The following VSTM4 variants were observed in gnomAD, a reference collection of about 807,000 sequenced individuals.
The protein encoded by VSTM4 is V-set and transmembrane domain-containing protein 4.
Under a neutral mutation model 36.4 loss-of-function variants are expected in VSTM4, and 20 were observed. That is an observed-to-expected ratio of 0.55 (90% CI 0.39 to 0.80). The LOEUF (loss-of-function observed/expected upper bound fraction) is 0.80, where lower values mean the gene tolerates loss of function less well. VSTM4 is among the 30% of genes least tolerant of loss of function. The pLI, the probability that VSTM4 is intolerant of heterozygous loss-of-function variation, is 0.00. For synonymous variants in VSTM4, 182 were observed against 173.9 expected (o/e 1.05, Z -0.37); for missense variants, 392 against 404.5 (o/e 0.97, Z 0.26).
intron 2 of VSTM4, among the ~76,000 whole-genome samples, chr10:49,088,577 G>T (rs4445564): frequency 0.37 from 57,061 of 152,178 alleles, 12,064 homozygotes; most frequent in African/African-American, 0.58. Flanking sequence ...GAAAACAAGT[G>T]AGCAGAATGG....
At chr10:49,090,721 T>G (rs562058036) in intron 2 of VSTM4, among the ~76,000 whole-genome samples, 2 of 152,170 alleles carry the variant, frequency 1.3e-5, no homozygotes, top group Non-Finnish European at 2.9e-5. Context: ...TAAAGAACTT[T>G]TTCCAAGTAG....
At chr10:49,101,973 G>A (rs551818663) in intron 2 of VSTM4, among the ~76,000 whole-genome samples, 11 of 72,630 alleles carry the variant, frequency 1.5e-4, no homozygotes, top group African/African-American at 1.0e-3. Context: ...GTGTGTCTGC[G>A]TGTGTGTGTG....
chr10:49,096,073 C>T (rs1351902221), intron 2 of VSTM4, among the ~76,000 whole-genome samples: 2 of 152,186 alleles, frequency 1.3e-5, no homozygotes, highest in Admixed American at 6.5e-5. Context: ...GACCTGTTGA[C>T]ACTTTAAACA....
chr10:49,061,716 G>T (rs564446222), intron 5 of VSTM4, among the ~76,000 whole-genome samples: 3 of 152,156 alleles, frequency 2.0e-5, no homozygotes, highest in Admixed American at 1.3e-4. Flanking sequence ...TTTATTGTTT[G>T]TGTGTTATAT....
At chr10:49,109,708 CTGGA>C (rs1844857659) in intron 1 of VSTM4, among the ~76,000 whole-genome samples, 1 of 152,174 alleles carries the variant, frequency 6.6e-6, no homozygotes, top group Non-Finnish European at 1.5e-5. Context: ...GGACTCTCCG[CTGGA>C]TGGGTATGAG....
chr10:49,065,430 C>G (rs1441619248), intron 4 of VSTM4, among the ~76,000 whole-genome samples: 8 of 152,216 alleles, frequency 5.3e-5, no homozygotes, highest in Non-Finnish European at 1.0e-4. Context: ...TGTGTACCCC[C>G]TCCCAAACTG....
At chr10:49,048,376 C>G in intron 6 of VSTM4, 102 bp downstream of exon 6, 1 of 1,022,904 alleles carries the variant, frequency 9.8e-7, no homozygotes, top group Non-Finnish European at 1.4e-6. Flanking sequence ...GTCATATTCC[C>G]CATCTGCCTA....
intron 2 of VSTM4, among the ~76,000 whole-genome samples, chr10:49,100,509 A>T (rs1452864624): frequency 1.3e-5 from 2 of 152,234 alleles, no homozygotes; most frequent in African/African-American, 4.8e-5. Context: ...AATTACAATT[A>T]TAAAATACCT....
intron 3 of VSTM4, among the ~76,000 whole-genome samples, chr10:49,081,004 C>T (rs1200247248): frequency 6.6e-6 from 1 of 152,172 alleles, no homozygotes; most frequent in Non-Finnish European, 1.5e-5. Context: ...CTGCAGCATC[C>T]ATTTAAACAG....
rs1481995970 is a variant in VSTM4, at chr10:49,115,516, G to A, written c.-31C>T. Reference sequence around the variant, plus strand: ...CGCCGCCGCCCGGCGCTGTGACGCGGGAGAGCGCCGCCGCCTGGCCCGGCC... The same window carrying A: ...CGCCGCCGCCCGGCGCTGTGACGCGAGAGAGCGCCGCCGCCTGGCCCGGCC... On this transcript the variant is annotated 5_prime_UTR_variant, in exon 1 of 8. Transcript: ENST00000332853. The A allele has an allele frequency of 1.3e-5, 13 of 982,190 alleles. No individual in the cohort carries two copies. The highest frequency in any genetic ancestry group is 1.6e-5 in the Non-Finnish European group (13 of 829,278). 60.8% of individuals were successfully genotyped at this position (982,190 alleles called of 1,614,324 possible).
intron 4 of VSTM4, 46 bp from the exon 5 acceptor site, chr10:49,064,782 A>G: frequency 6.3e-7 from 1 of 1,584,974 alleles, no homozygotes; most frequent in Non-Finnish European, 8.6e-7. Flanking sequence ...ATGCTACTTC[A>G]GATATATATG....
At chr10:49,076,379 T>C (rs1844178570) in intron 4 of VSTM4, among the ~76,000 whole-genome samples, 1 of 152,084 alleles carries the variant, frequency 6.6e-6, no homozygotes, top group Non-Finnish European at 1.5e-5. Context: ...ATGTCGCAGA[T>C]GAGGAAAGCA....
intron 1 of VSTM4, among the ~76,000 whole-genome samples, chr10:49,112,914 C>A (rs1844923160): frequency 6.6e-6 from 1 of 152,176 alleles, no homozygotes. Flanking sequence ...GCCTAGGACA[C>A]CGTTGTAGCT....
intron 4 of VSTM4, among the ~76,000 whole-genome samples, chr10:49,066,587 T>C (rs1448401076): frequency 2.6e-5 from 4 of 152,148 alleles, no homozygotes; most frequent in African/African-American, 7.2e-5. Flanking sequence ...ATTAACAAAA[T>C]TGATGATAAA....
chr10:49,057,670 G>A lies in VSTM4; in HGVS notation c.668+7033C>T, dbSNP rs78338200. 3.9e-5 allele frequency among the ~76,000 whole-genome samples: 6 copies of A among 152,152 alleles called. No homozygotes were observed. The South Asian group carries it at 8.3e-4, about 21-fold the overall frequency. On this transcript the variant is annotated intron_variant, in intron 5 of 7. Coordinates refer to ENST00000332853, the MANE Select transcript of VSTM4 (RefSeq NM_001031746.5). ...ACACTGGGCCTGAGTGCTTGGATGC[G>A]GTGGGGACATGACAAGGTAGTAATG...
intron 2 of VSTM4, among the ~76,000 whole-genome samples, chr10:49,101,913 A>G (rs1407397648): frequency 1.3e-5 from 2 of 152,206 alleles, no homozygotes; most frequent in African/African-American, 4.8e-5. Flanking sequence ...AATACATGTA[A>G]TATCACCAAC....
At chr10:49,057,535 C>T (rs1416269444) in intron 5 of VSTM4, among the ~76,000 whole-genome samples, 4 of 152,216 alleles carry the variant, frequency 2.6e-5, no homozygotes, top group African/African-American at 9.6e-5. Context: ...CTCTACCTGA[C>T]ACTGAAGCTG....
intron 2 of VSTM4, among the ~76,000 whole-genome samples, chr10:49,087,415 C>A (rs1401371410): frequency 6.6e-6 from 1 of 152,060 alleles, no homozygotes; most frequent in Non-Finnish European, 1.5e-5. Flanking sequence ...TGCCTGATAA[C>A]TTTTTTCTAA....
Position 49,014,371 on chromosome 10 carries a change from A to T in VSTM4, c.*5279T>A, listed in dbSNP as rs1843071830. 1 of 152,244 alleles carries T rather than the reference A, an allele frequency of 6.6e-6. No homozygotes were observed. Among genetic ancestry groups the T allele is most frequent in the Non-Finnish European group, 1.5e-5 (1 of 68,038 alleles). 9.4% of individuals were successfully genotyped at this position (152,244 alleles called of 1,614,324 possible). A position where few individuals can be genotyped will look rare whatever the true frequency, so the allele number is the denominator to read the frequency against. ...ATTTAACAATCAGACACTAAATTGG[A>T]GTGACGCTAATAGCATTGTGTTTAT... On this transcript the variant is annotated 3_prime_UTR_variant, in exon 8 of 8. Transcript: ENST00000332853.
Sources: gnomAD v4.1 joint callset for allele counts (sites outside exome capture counted in the v4.1 genomes callset) on GRCh38, gnomAD v4.1.1 for gene constraint, MANE v1.5 for transcripts, NCBI Gene and HGNC (gene_info 2026-07-23, HGNC 2026-07-21) for gene names.